RPL27: variants seen among roughly 807,000 people sequenced by gnomAD.
RPL27 encodes large ribosomal subunit protein eL27.
For missense variants in RPL27, 131 were observed against 174.3 expected (o/e 0.75, Z 1.40); for synonymous variants, 77 against 61.0 (o/e 1.26, Z -1.22).
At chr17:42,999,266 CAGCCTCTCG>C (rs1282242384) in intron 2 of RPL27, 1 of 159,312 alleles carries the variant, frequency 6.3e-6, no homozygotes, top group African/African-American at 2.4e-5. Context: ...TCTCCCATCT[CAGCCTCTCG>C]AGTGGCTGGG....
intron 3 of RPL27, among the ~76,000 whole-genome samples, chr17:43,001,017 C>T (rs185021716): frequency 3.3e-4 from 50 of 151,290 alleles, no homozygotes; most frequent in Admixed American, 2.8e-3. Flanking sequence ...CCATTGTACT[C>T]CAGCCTGGGC....
At chr17:43,000,862 C>A (rs2050353991) in intron 3 of RPL27, among the ~76,000 whole-genome samples, 1 of 148,278 alleles carries the variant, frequency 6.7e-6, no homozygotes, top group Non-Finnish European at 1.5e-5. Context: ...TGAGACTAGC[C>A]TGACCAACAT....
chr17:43,000,086 C>G lies in RPL27; in HGVS notation c.235C>G (p.His79Asp). Residue 79 changes from histidine to aspartate, a missense_variant, in exon 3 of 5, where the codon CAC (histidine) becomes GAC (aspartate). His to Asp is a moderately conservative substitution (Grantham distance 81, BLOSUM62 -1). Transcript: ENST00000253788. Reference protein sequence around the residue: ...KSFVKVYNYNHLMPTRYSVDI... With the variant: ...KSFVKVYNYNDLMPTRYSVDI... ...TTTTGTGAAAGTGTATAACTACAAT[C>G]ACCTAATGCCCACAAGGTGAGCATT... The G allele has an allele frequency of 6.2e-7, 1 of 1,612,096 alleles. No individual in the cohort carries two copies. The highest frequency in any genetic ancestry group is 8.5e-7 in the Non-Finnish European group (1 of 1,178,972).
chr17:43,002,341 TA>T (rs10551222), intron 3 of RPL27, among the ~76,000 whole-genome samples: 10 of 150,906 alleles, frequency 6.6e-5, no homozygotes, highest in Non-Finnish European at 8.9e-5. Context: ...CCGTCTCTAC[TA>T]AAAAAATACA....
chr17:43,000,075 A>G lies in RPL27; in HGVS notation c.224A>G (p.Tyr75Cys), dbSNP rs747760845. 8.1e-6 allele frequency: 13 copies of G among 1,613,066 alleles called. No homozygotes were observed. Among genetic ancestry groups the G allele is most frequent in the Admixed American group, 5.0e-5 (3 of 60,024 alleles). Reference protein sequence around the residue: ...RSKIKSFVKVYNYNHLMPTRY... With the variant: ...RSKIKSFVKVCNYNHLMPTRY... Reference sequence around the variant, plus strand: ...AAGATAAAATCTTTTGTGAAAGTGTATAACTACAATCACCTAATGCCCACA... The same window carrying G: ...AAGATAAAATCTTTTGTGAAAGTGTGTAACTACAATCACCTAATGCCCACA... Residue 75 changes from tyrosine (Y) to cysteine (C), a missense_variant, in exon 3 of 5, where the codon TAT becomes TGT. Tyr to Cys is a radical substitution (Grantham distance 194). Transcript: ENST00000253788.
chr17:43,001,647 CAG>C (rs765015635), intron 3 of RPL27, among the ~76,000 whole-genome samples: 6 of 151,026 alleles, frequency 4.0e-5, no homozygotes, highest in Non-Finnish European at 8.8e-5. Flanking sequence ...AATAAAAGGG[CAG>C]AGAGAGCTGT....
chr17:42,999,174 T>C (rs2050332743), intron 2 of RPL27: 80 of 199,648 alleles, frequency 4.0e-4, no homozygotes, highest in South Asian at 1.2e-3. Context: ...TTTTCTTTTT[T>C]TTTTTTTTGA....
chr17:43,002,075 CA>C, intron 3 of RPL27, among the ~76,000 whole-genome samples: 1 of 151,012 alleles, frequency 6.6e-6, no homozygotes, highest in East Asian at 2.0e-4. Flanking sequence ...GCCTGGGCAA[CA>C]GCGAGACTGT....
Position 43,002,858 on chromosome 17 carries a change from T to C in RPL27, c.363-14T>C. On this transcript the variant is annotated splice_polypyrimidine_tract_variant and intron_variant, in intron 4 of 4. Coordinates refer to ENST00000253788, the MANE Select transcript of RPL27 (RefSeq NM_000988.5). The stretch of plus-strand genomic sequence containing the variant: ...TTCCTTTCCTCATTGGTGTCCTCTT[T>C]TTTTCCCTTCTAGATACAAGACAGG... 1.2e-6 allele frequency: 2 copies of C among 1,613,648 alleles called. No individual in the cohort carries two copies. The highest frequency in any genetic ancestry group is 1.7e-6 in the Non-Finnish European group (2 of 1,179,546).
intron 3 of RPL27, among the ~76,000 whole-genome samples, chr17:43,000,792 C>T (rs1156873659): frequency 6.6e-6 from 1 of 150,892 alleles, no homozygotes; most frequent in Non-Finnish European, 1.5e-5. Context: ...CAATGGCTCA[C>T]GCCTGTAATC....
chr17:43,002,952 GAAA>G lies in RPL27; in HGVS notation c.*37_*39del, dbSNP rs765073347. 4 of 1,545,626 alleles carry G rather than the reference GAAA, an allele frequency of 2.6e-6. No individual in the cohort carries two copies. The highest frequency in any genetic ancestry group is 2.7e-6 in the Non-Finnish European group (3 of 1,120,746). On this transcript the variant is annotated 3_prime_UTR_variant, in exon 5 of 5. Coordinates refer to ENST00000253788, the MANE Select transcript of RPL27 (RefSeq NM_000988.5). ...TGTTTTGATCATTAAAAATTATAAAGAAAAAAAGCCTGTGTCTGCATGCTGTAT... is the reference window on the plus strand; with the variant it reads ...TGTTTTGATCATTAAAAATTATAAAGAAAAGCCTGTGTCTGCATGCTGTAT...
intron 3 of RPL27, among the ~76,000 whole-genome samples, chr17:43,000,358 A>G (rs2050346534): frequency 6.6e-6 from 1 of 152,212 alleles, no homozygotes; most frequent in East Asian, 1.9e-4. Flanking sequence ...CCTCAAGGAT[A>G]AATACAATAG....
intron 1 of RPL27, 51 bp downstream of exon 1, chr17:42,998,522 G>T: frequency 2.3e-6 from 1 of 440,706 alleles, no homozygotes. Flanking sequence ...TCCGCGGCTT[G>T]GGGGTCGAAG....
In RPL27 at chr17:43,002,706, C is replaced by T. The variant is rs752755283; in HGVS notation, c.285C>T (p.Val95=). 2.2e-5 allele frequency: 35 copies of T among 1,613,364 alleles called. No individual in the cohort carries two copies. Among genetic ancestry groups the T allele is most frequent in the East Asian group, 4.5e-5 (2 of 44,854 alleles). ...TGGATATCCCCTTGGACAAAACTGTCGTCAATAAGGATGTCTTCAGAGATC... is the reference window on the plus strand; with the variant it reads ...TGGATATCCCCTTGGACAAAACTGTTGTCAATAAGGATGTCTTCAGAGATC... ...YSVDIPLDKT[V]VNKDVFRDPA... Residue 95 remains valine (V), a synonymous_variant, in exon 4 of 5, where the codon GTC becomes GTT. Transcript: ENST00000253788.
At chr17:43,001,975 TC>T (rs2050367208) in intron 3 of RPL27, among the ~76,000 whole-genome samples, 1 of 150,680 alleles carries the variant, frequency 6.6e-6, no homozygotes. Flanking sequence ...CCTGTAGTAG[TC>T]CCAGCTACTC....
rs141202341 is a variant in RPL27, at chr17:42,999,839, G to A, written c.82-94G>A. 1,489 of 949,258 alleles carry A rather than the reference G, an allele frequency of 1.6e-3. 22 individuals are homozygous for A. The African/African-American group carries it at 0.021, about 14-fold the overall frequency. 58.8% of individuals were successfully genotyped at this position (949,258 alleles called of 1,614,324 possible). On this transcript the variant is annotated intron_variant, in intron 2 of 4. Transcript: ENST00000253788. ...TTATAATGGTGGATCTTGGAGACCT[G>A]AGGGTGGAAATATTTTTTGGACACT...
At position 42,998,743 on chromosome 17, in the gene RPL27, C is replaced by T. The variant is rs1567737165; in HGVS notation, c.-2-6C>T. ...TTAAGTGGCCCTTTCTCCTTGCTCT[C>T]TGCAGAAATGGGCAAGTTCATGAAA... On this transcript the variant is annotated splice_polypyrimidine_tract_variant and splice_region_variant and intron_variant, in intron 1 of 4. Transcript: ENST00000253788. 5 of 1,612,456 alleles carry T rather than the reference C, an allele frequency of 3.1e-6. No individual in the cohort carries two copies. Among genetic ancestry groups the T allele is most frequent in the Non-Finnish European group, 4.2e-6 (5 of 1,178,702 alleles).
At chr17:43,000,480 TG>T (rs1175367032) in intron 3 of RPL27, among the ~76,000 whole-genome samples, 1 of 6,524 alleles carries the variant, frequency 1.5e-4, no homozygotes, top group Non-Finnish European at 1.4e-3. Context: ...TGTTTTGTTT[TG>T]TTTTGTTTTT....
At chr17:42,998,862 C>T (rs1250958333) in intron 2 of RPL27, 31 bp downstream of exon 2, 2 of 1,584,286 alleles carry the variant, frequency 1.3e-6, no homozygotes, top group East Asian at 2.2e-5. Context: ...TGCGTCCTTG[C>T]ATGCCGGGAC....
Sources: gnomAD v4.1 joint callset for allele counts (sites outside exome capture counted in the v4.1 genomes callset) on GRCh38, gnomAD v4.1.1 for gene constraint, MANE v1.5 for transcripts, NCBI Gene and HGNC (gene_info 2026-07-23, HGNC 2026-07-21) for gene names.